Variants in XPR1 observed in about 807,000 individuals in gnomAD.
XPR1 encodes the protein xenotropic and polytropic retrovirus receptor 1.
In XPR1, 28 loss-of-function variants were observed where a neutral mutation model predicts 87.5. The ratio of observed to expected loss-of-function variants is 0.32; its 90% confidence interval spans 0.24 to 0.44. The LOEUF (loss-of-function observed/expected upper bound fraction) is 0.44. Among genes scored for constraint, XPR1 ranks in the 20% least tolerant of loss-of-function variants. XPR1 has a pLI of 1.00. For missense variants in XPR1, 559 were observed against 862.3 expected, an observed-to-expected ratio of 0.65 and a Z score of 4.41; for synonymous variants, 300 against 306.1, an observed-to-expected ratio of 0.98 and a Z score of 0.21.
chr1:180,745,084 GAT>G (rs1188684283), intron 2 of XPR1, among the ~76,000 whole-genome samples: 5 of 152,178 alleles, frequency 3.3e-5, no homozygotes, highest in Non-Finnish European at 5.9e-5. Flanking sequence ...CATGTGACCA[GAT>G]ATGTGTCAGT....
At chr1:180,743,005 A>G (rs1658968679) in intron 2 of XPR1, among the ~76,000 whole-genome samples, 1 of 151,858 alleles carries the variant, frequency 6.6e-6, no homozygotes. Flanking sequence ...TTTAAACTTC[A>G]CTTTATATTA....
In XPR1 at chr1:180,775,701, A is replaced by G. The variant is rs113786198; in HGVS notation, c.122-12052A>G. Among the ~76,000 whole-genome samples, 587 of 152,334 alleles carry G rather than the reference A, an allele frequency of 3.9e-3. 9 individuals carry two copies. The highest frequency in any genetic ancestry group is 0.013 in the African/African-American group (557 of 41,582). ...AAGTGATTAATTAGCTAACAGAATT[A>G]GAAAATAAAAGGCCTTCAGTTAAAA... On this transcript the variant is annotated intron_variant, in intron 2 of 14. Coordinates refer to ENST00000367590, the MANE Select transcript of XPR1 (RefSeq NM_004736.4).
chr1:180,667,664 T>C (rs1472981311), intron 1 of XPR1, among the ~76,000 whole-genome samples: 1 of 152,220 alleles, frequency 6.6e-6, no homozygotes, highest in Non-Finnish European at 1.5e-5. Context: ...TGGAAAAGTT[T>C]GGGAAGGGTT....
chr1:180,762,381 C>T lies in XPR1; in HGVS notation c.122-25372C>T, dbSNP rs60721694. On this transcript the variant is annotated intron_variant, in intron 2 of 14. Coordinates refer to ENST00000367590, the MANE Select transcript of XPR1 (RefSeq NM_004736.4). The stretch of plus-strand genomic sequence containing the variant: ...TAAACTGTTGAAGTTCTGTGGTGAA[C>T]GTTATGAACAGAAGTTAATTAAAAA... Among the ~76,000 whole-genome samples, 11 of 152,146 alleles carry T rather than the reference C, an allele frequency of 7.2e-5. No homozygotes were observed. The East Asian group carries it at 1.4e-3, about 19-fold the overall frequency.
intron 1 of XPR1, among the ~76,000 whole-genome samples, chr1:180,666,354 C>T (rs1021286047): frequency 4.6e-5 from 7 of 152,150 alleles, no homozygotes; most frequent in Non-Finnish European, 1.0e-4. Flanking sequence ...AGGTACTGGA[C>T]TGAATTGTAG....
At chr1:180,853,731 GCTAA>G (rs942857937) in intron 11 of XPR1, among the ~76,000 whole-genome samples, 16 of 148,756 alleles carry the variant, frequency 1.1e-4, no homozygotes, top group East Asian at 3.9e-4. Context: ...ATTGCTAGCT[GCTAA>G]CTGAGAGCTT....
chr1:180,813,929 A>G (rs1650314784), intron 7 of XPR1, among the ~76,000 whole-genome samples: 1 of 152,190 alleles, frequency 6.6e-6, no homozygotes, highest in Admixed American at 6.5e-5. Context: ...TTGAATATCC[A>G]TAATATTCCA....
At chr1:180,772,787 C>T (rs1251805067) in intron 2 of XPR1, among the ~76,000 whole-genome samples, 1 of 152,164 alleles carries the variant, frequency 6.6e-6, no homozygotes, top group South Asian at 2.1e-4. Context: ...TGTGAGGCCT[C>T]CTCAGCCATG....
chr1:180,734,843 T>A (rs1658677642), intron 2 of XPR1, among the ~76,000 whole-genome samples: 1 of 152,112 alleles, frequency 6.6e-6, no homozygotes, highest in Non-Finnish European at 1.5e-5. Context: ...GTCAGGATTG[T>A]GAAATACAGT....
chr1:180,802,930 G>C (rs1164008184), intron 3 of XPR1, among the ~76,000 whole-genome samples: 1 of 152,036 alleles, frequency 6.6e-6, no homozygotes, highest in Non-Finnish European at 1.5e-5. Flanking sequence ...TTGTTTATTT[G>C]TTCCTCAATT....
intron 1 of XPR1, among the ~76,000 whole-genome samples, chr1:180,669,669 C>T (rs1258478965): frequency 6.6e-6 from 1 of 152,112 alleles, no homozygotes; most frequent in Non-Finnish European, 1.5e-5. Context: ...AATGTTTATA[C>T]AGTAGTTCCT....
intron 2 of XPR1, among the ~76,000 whole-genome samples, chr1:180,715,776 G>C (rs1409353934): frequency 6.6e-6 from 1 of 151,828 alleles, no homozygotes; most frequent in Non-Finnish European, 1.5e-5. Context: ...TCCCGGAAGC[G>C]ATTCTCCTGC....
chr1:180,807,513 C>T (rs542730107), intron 6 of XPR1, among the ~76,000 whole-genome samples: 1 of 152,224 alleles, frequency 6.6e-6, no homozygotes, highest in South Asian at 2.1e-4. Context: ...TGTGTAAGGC[C>T]TTTACATTGA....
At chr1:180,816,196 G>A (rs1459582669) in intron 7 of XPR1, among the ~76,000 whole-genome samples, 1 of 152,148 alleles carries the variant, frequency 6.6e-6, no homozygotes. Context: ...TAGGAGAGGG[G>A]ATGGTTTCAA....
chr1:180,660,178 T>C lies in XPR1; in HGVS notation c.70-22182T>C, dbSNP rs1416367240. On this transcript the variant is annotated intron_variant, in intron 1 of 14. Coordinates refer to ENST00000367590, the MANE Select transcript of XPR1 (RefSeq NM_004736.4). ...TATAGTTGCTCATAGTAGCCTTCAG[T>C]GATCCTTTGAATTTCTGTGGTATTG... Among the ~76,000 whole-genome samples, 10 of 152,308 alleles carry C rather than the reference T, an allele frequency of 6.6e-5. No homozygotes were observed. In the East Asian group the frequency reaches 1.7e-3, roughly 26 times the overall value.
At chr1:180,825,642 A>C (rs1208871742) in intron 9 of XPR1, among the ~76,000 whole-genome samples, 1 of 152,248 alleles carries the variant, frequency 6.6e-6, no homozygotes, top group Non-Finnish European at 1.5e-5. Context: ...ATGTGGTAAA[A>C]GAATTATTTT....
chr1:180,658,611 C>T (rs1262316908), intron 1 of XPR1, among the ~76,000 whole-genome samples: 1 of 152,106 alleles, frequency 6.6e-6, no homozygotes, highest in East Asian at 1.9e-4. Flanking sequence ...GTCTCCCAGG[C>T]TGGAGTGCAG....
intron 9 of XPR1, among the ~76,000 whole-genome samples, chr1:180,834,244 G>T (rs1343728585): frequency 2.0e-5 from 3 of 151,970 alleles, no homozygotes; most frequent in African/African-American, 7.3e-5. Context: ...ACCATGCCCG[G>T]CTAATTTTTT....
intron 11 of XPR1, among the ~76,000 whole-genome samples, chr1:180,841,430 TGTTTGTTTCACAG>T (rs887402057): frequency 1.3e-5 from 2 of 152,154 alleles, no homozygotes; most frequent in Non-Finnish European, 2.9e-5. Flanking sequence ...GTACCTATTC[TGTTTGTTTCACAG>T]GTTTGTTTTA....
Sources: allele counts gnomAD v4.1 joint callset (sites outside exome capture counted in the v4.1 genomes callset), GRCh38; gene constraint gnomAD v4.1.1; transcripts MANE v1.5; gene names NCBI Gene and HGNC (gene_info 2026-07-23, HGNC 2026-07-21).